GRIK2: variants seen among roughly 807,000 people sequenced by gnomAD.
The protein encoded by GRIK2 is glutamate receptor ionotropic, kainate 2.
GRIK2 carries 32 observed loss-of-function variants against 100.3 expected under a neutral mutation model. That is an observed-to-expected ratio of 0.32 (90% CI 0.24 to 0.43). The LOEUF is 0.43. Ranked by LOEUF, GRIK2 falls within the 20% of genes least tolerant of loss-of-function variation. The pLI is 1.00. For synonymous variants in GRIK2, 417 were observed against 389.4 expected, an observed-to-expected ratio of 1.07 and a Z score of -0.83; for missense variants, 843 against 1,114.9, an observed-to-expected ratio of 0.76 and a Z score of 3.47.
At chr6:101,825,685 A>G (rs1288517452) in intron 10 of GRIK2, among the ~76,000 whole-genome samples, 1 of 152,110 alleles carries the variant, frequency 6.6e-6, no homozygotes, top group African/African-American at 2.4e-5. Context: ...ATAATTGTCA[A>G]TACTAAAATG....
intron 11 of GRIK2, among the ~76,000 whole-genome samples, chr6:101,872,517 A>C (rs1395675566): frequency 6.6e-6 from 1 of 151,812 alleles, no homozygotes; most frequent in Non-Finnish European, 1.5e-5. Context: ...ATTACCTACC[A>C]TCTGGTCCCA....
chr6:102,043,081 A>C (rs1770680836), intron 15 of GRIK2, among the ~76,000 whole-genome samples: 1 of 151,760 alleles, frequency 6.6e-6, no homozygotes, highest in South Asian at 2.1e-4. Flanking sequence ...TCCCTTTATG[A>C]TCTTAGGTAC....
chr6:101,896,997 AACACAC>A (rs10588904), intron 12 of GRIK2, among the ~76,000 whole-genome samples: 96,252 of 147,692 alleles, frequency 0.65, 32,773 homozygotes, highest in East Asian at 0.89. Context: ...CATTGTATTT[AACACAC>A]ACACACACAC....
intron 16 of GRIK2, 62 bp downstream of exon 16, chr6:102,055,642 A>T (rs1771427398): frequency 8.0e-7 from 1 of 1,242,692 alleles, no homozygotes; most frequent in African/African-American, 1.5e-5. Flanking sequence ...TAAAACACAA[A>T]CCAAAAGAGT....
intron 10 of GRIK2, among the ~76,000 whole-genome samples, chr6:101,823,491 TC>T (rs1782097561): frequency 6.6e-6 from 1 of 152,162 alleles, no homozygotes; most frequent in Non-Finnish European, 1.5e-5. Flanking sequence ...ATTGCCTCTT[TC>T]ATCTTTGAAT....
At chr6:101,433,518 T>A (rs1382351247) in intron 2 of GRIK2, among the ~76,000 whole-genome samples, 1 of 152,166 alleles carries the variant, frequency 6.6e-6, no homozygotes, top group African/African-American at 2.4e-5. Context: ...GTGGTAGGAG[T>A]GCAATAAATA....
At chr6:101,949,791 T>A (rs1791501493) in intron 14 of GRIK2, among the ~76,000 whole-genome samples, 1 of 152,202 alleles carries the variant, frequency 6.6e-6, no homozygotes, top group Non-Finnish European at 1.5e-5. Flanking sequence ...TCTTTGCTAT[T>A]GTGAATAGTG....
intron 7 of GRIK2, among the ~76,000 whole-genome samples, chr6:101,783,321 T>G (rs552617963): frequency 6.8e-6 from 1 of 146,584 alleles, no homozygotes; most frequent in Non-Finnish European, 1.5e-5. Context: ...TTGCATGCTC[T>G]CTCTCTCTCT....
At chr6:101,952,474 C>T (rs574809397) in intron 14 of GRIK2, among the ~76,000 whole-genome samples, 1 of 151,168 alleles carries the variant, frequency 6.6e-6, no homozygotes. Flanking sequence ...AATTATAGTT[C>T]CAAGTTTTGT....
At chr6:101,461,813 AT>A (rs967026321) in intron 2 of GRIK2, among the ~76,000 whole-genome samples, 16 of 152,178 alleles carry the variant, frequency 1.1e-4, no homozygotes, top group African/African-American at 3.9e-4. Context: ...GTTGGGTTAA[AT>A]TGGGATAAAG....
At chr6:101,788,047 C>G (rs752431626) in intron 7 of GRIK2, among the ~76,000 whole-genome samples, 5 of 151,800 alleles carry the variant, frequency 3.3e-5, no homozygotes, top group Non-Finnish European at 4.4e-5. Flanking sequence ...ATATAATGAC[C>G]TGGTTTGTCT....
At chr6:101,935,975 T>G (rs1214921738) in intron 14 of GRIK2, among the ~76,000 whole-genome samples, 1 of 152,108 alleles carries the variant, frequency 6.6e-6, no homozygotes, top group Non-Finnish European at 1.5e-5. Context: ...CACAAATTAC[T>G]GATTAGGAAA....
At chr6:101,796,309 A>G (rs1780300637) in intron 7 of GRIK2, among the ~76,000 whole-genome samples, 1 of 152,226 alleles carries the variant, frequency 6.6e-6, no homozygotes, top group South Asian at 2.1e-4. Flanking sequence ...AATGTTGGCT[A>G]TTAATATTAT....
intron 9 of GRIK2, among the ~76,000 whole-genome samples, chr6:101,813,962 C>CAAA (rs60375013): frequency 8.1e-6 from 1 of 123,032 alleles, no homozygotes; most frequent in Non-Finnish European, 1.8e-5. Context: ...AGCTCCATCT[C>CAAA]AAAAAAAAAA....
At chr6:101,530,724 A>T (rs1434349213) in intron 2 of GRIK2, among the ~76,000 whole-genome samples, 1 of 151,998 alleles carries the variant, frequency 6.6e-6, no homozygotes, top group Non-Finnish European at 1.5e-5. Flanking sequence ...ATTTTTGGTG[A>T]CTGACACTGG....
chr6:101,492,391 C>A (rs1011638056), intron 2 of GRIK2, among the ~76,000 whole-genome samples: 18 of 151,848 alleles, frequency 1.2e-4, no homozygotes, highest in African/African-American at 4.1e-4. Flanking sequence ...TATTGGCATA[C>A]CAGTCATCTC....
At chr6:101,625,438 C>T (rs527534859) in intron 3 of GRIK2, among the ~76,000 whole-genome samples, 4 of 151,370 alleles carry the variant, frequency 2.6e-5, no homozygotes, top group Admixed American at 6.6e-5. Flanking sequence ...GGTAAAAATT[C>T]AGGGGAAGCT....
At chr6:101,482,448 A>G (rs1358565571) in intron 2 of GRIK2, among the ~76,000 whole-genome samples, 3 of 152,070 alleles carry the variant, frequency 2.0e-5, no homozygotes, top group African/African-American at 7.2e-5. Flanking sequence ...AGAGAAGGTT[A>G]TACCAGCTCG....
chr6:101,571,670 T>C (rs991991637), intron 2 of GRIK2, among the ~76,000 whole-genome samples: 1 of 152,130 alleles, frequency 6.6e-6, no homozygotes, highest in African/African-American at 2.4e-5. Flanking sequence ...GTTTTTAAAA[T>C]TGAGTATAAA....
Sources: gnomAD v4.1 joint callset for allele counts (sites outside exome capture counted in the v4.1 genomes callset) on GRCh38, gnomAD v4.1.1 for gene constraint, MANE v1.5 for transcripts, NCBI Gene and HGNC (gene_info 2026-07-23, HGNC 2026-07-21) for gene names.